XRN2: variants seen among roughly 807,000 people sequenced by gnomAD.
XRN2 encodes 5'-3' exoribonuclease 2, also known as DHM1-like protein.
In XRN2, 44 loss-of-function variants were observed where a neutral mutation model predicts 138.5. That is an observed-to-expected ratio of 0.32 (90% CI 0.25 to 0.41). XRN2 has a LOEUF of 0.41. Among genes scored for constraint, XRN2 ranks in the 10% least tolerant of loss-of-function variants. The pLI, the probability that XRN2 is intolerant of heterozygous loss-of-function variation, is 1.00. For missense variants in XRN2, 937 were observed against 1,169.3 expected, an observed-to-expected ratio of 0.80 and a Z score of 2.90; for synonymous variants, 354 against 369.4, an observed-to-expected ratio of 0.96 and a Z score of 0.48.
intron 9 of XRN2, 37 bp from the exon 10 acceptor site, chr20:21,333,507 G>T: frequency 6.2e-7 from 1 of 1,601,602 alleles, no homozygotes; most frequent in Non-Finnish European, 8.6e-7. Context: ...ACTGGACGTA[G>T]AGTAGACTTG....
intron 24 of XRN2, among the ~76,000 whole-genome samples, chr20:21,359,298 A>G (rs1379829912): frequency 6.6e-6 from 1 of 152,086 alleles, no homozygotes; most frequent in African/African-American, 2.4e-5. Context: ...TTGGGAGGCC[A>G]GGGTGGTGGG....
Position 21,326,426 on chromosome 20 carries a change from C to A in XRN2, c.203+20C>A. ...AGACAAGTACGTAACCCATTTTTGT[C>A]ACTGATATAGCAAATCACAGAGGAA... On this transcript the variant is annotated intron_variant, in intron 2 of 29. Transcript: ENST00000377191. 6.2e-7 allele frequency: 1 copy of A among 1,613,330 alleles called. No homozygotes were observed. The highest frequency in any genetic ancestry group is 1.1e-5 in the South Asian group (1 of 91,026).
intron 17 of XRN2, among the ~76,000 whole-genome samples, chr20:21,347,789 G>A (rs144029786): frequency 1.1e-4 from 17 of 152,218 alleles, no homozygotes; most frequent in African/African-American, 4.1e-4. Context: ...GACTGCTTTT[G>A]GTTTTACTTG....
intron 6 of XRN2, 41 bp from the exon 7 acceptor site, chr20:21,331,520 A>G: frequency 6.5e-7 from 1 of 1,539,372 alleles, no homozygotes; most frequent in South Asian, 1.2e-5. Context: ...TGCCTATAGA[A>G]AATTGGGGAT....
chr20:21,383,676 C>G (rs2038909405), intron 28 of XRN2, among the ~76,000 whole-genome samples: 1 of 152,180 alleles, frequency 6.6e-6, no homozygotes, highest in African/African-American at 2.4e-5. Context: ...CAGCTTTCCT[C>G]CCCTCTGTTC....
chr20:21,313,280 C>T (rs1374603389), intron 1 of XRN2, among the ~76,000 whole-genome samples: 1 of 152,234 alleles, frequency 6.6e-6, no homozygotes, highest in Non-Finnish European at 1.5e-5. Flanking sequence ...GTTTCCCCCT[C>T]TGGTCATCTC....
intron 27 of XRN2, among the ~76,000 whole-genome samples, chr20:21,375,629 T>G (rs1326411174): frequency 6.6e-6 from 1 of 151,758 alleles, no homozygotes; most frequent in African/African-American, 2.4e-5. Context: ...AAAAATATAT[T>G]TATTTCTTAA....
At chr20:21,360,902 T>G (rs2038630094) in intron 24 of XRN2, among the ~76,000 whole-genome samples, 1 of 152,222 alleles carries the variant, frequency 6.6e-6, no homozygotes, top group Non-Finnish European at 1.5e-5. Context: ...TTTAAGTGTT[T>G]TAAAATGTCA....
intron 26 of XRN2, among the ~76,000 whole-genome samples, chr20:21,367,023 A>G (rs180926509): frequency 1.3e-5 from 2 of 152,258 alleles, no homozygotes; most frequent in East Asian, 3.9e-4. Context: ...GTGTTAACCA[A>G]TATATTGGTG....
chr20:21,352,469 C>T (rs935441317), intron 20 of XRN2, among the ~76,000 whole-genome samples: 50 of 151,978 alleles, frequency 3.3e-4, no homozygotes, highest in African/African-American at 1.2e-3. Context: ...GCTGGGATTA[C>T]CGCCGTGTGC....
chr20:21,331,512 C>A (rs776998667), intron 6 of XRN2, 49 bp from the exon 7 acceptor site: 2 of 1,468,786 alleles, frequency 1.4e-6, no homozygotes, highest in South Asian at 2.4e-5. Flanking sequence ...GATTTTTGTG[C>A]CTATAGAAAA....
chr20:21,387,269 G>GTA (rs892683257), intron 29 of XRN2, among the ~76,000 whole-genome samples: 1 of 152,172 alleles, frequency 6.6e-6, no homozygotes. Context: ...ATTAGTCCAA[G>GTA]TATAGTCAGT....
chr20:21,311,028 G>A (rs6113186), intron 1 of XRN2, among the ~76,000 whole-genome samples: 1 of 152,060 alleles, frequency 6.6e-6, no homozygotes, highest in African/African-American at 2.4e-5. Context: ...TGGGATTACA[G>A]GCGTGAGCCA....
chr20:21,309,132 T>A (rs907224649), intron 1 of XRN2, among the ~76,000 whole-genome samples: 6 of 152,212 alleles, frequency 3.9e-5, no homozygotes, highest in African/African-American at 1.4e-4. Flanking sequence ...ACAAAAGATA[T>A]TTGTAGCATT....
At chr20:21,325,854 G>A (rs942818935) in intron 1 of XRN2, among the ~76,000 whole-genome samples, 1 of 152,212 alleles carries the variant, frequency 6.6e-6, no homozygotes, top group Admixed American at 6.5e-5. Flanking sequence ...ACTAGATGAA[G>A]GTTGTTGTGC....
At chr20:21,310,143 G>T (rs769567379) in intron 1 of XRN2, among the ~76,000 whole-genome samples, 1 of 152,052 alleles carries the variant, frequency 6.6e-6, no homozygotes, top group Non-Finnish European at 1.5e-5. Flanking sequence ...TTAACATGTT[G>T]TATTTTCATT....
chr20:21,373,665 G>A (rs904950633), intron 27 of XRN2, among the ~76,000 whole-genome samples: 1 of 152,200 alleles, frequency 6.6e-6, no homozygotes, highest in Non-Finnish European at 1.5e-5. Flanking sequence ...TGCACTTTTA[G>A]CTATTTGACT....
chr20:21,351,736 T>C (rs2038512921), intron 20 of XRN2, among the ~76,000 whole-genome samples: 1 of 152,246 alleles, frequency 6.6e-6, no homozygotes, highest in Admixed American at 6.5e-5. Flanking sequence ...CATTTAAATC[T>C]GATCCATTTT....
intron 13 of XRN2, among the ~76,000 whole-genome samples, chr20:21,336,239 C>G (rs900280701): frequency 6.6e-6 from 1 of 152,154 alleles, no homozygotes; most frequent in Non-Finnish European, 1.5e-5. Flanking sequence ...GTGGGCAGAT[C>G]ACCTGAGGTT....
Sources: gnomAD v4.1 joint callset for allele counts (sites outside exome capture counted in the v4.1 genomes callset) on GRCh38, gnomAD v4.1.1 for gene constraint, MANE v1.5 for transcripts, NCBI Gene and HGNC (gene_info 2026-07-23, HGNC 2026-07-21) for gene names.